NRIP1: variants seen among roughly 807,000 people sequenced by gnomAD.
The protein encoded by NRIP1 is nuclear receptor-interacting protein 1.
NRIP1 carries 28 observed loss-of-function variants against 75.0 expected under a neutral mutation model. The ratio of observed to expected loss-of-function variants is 0.37; its 90% CI spans 0.28 to 0.51. The LOEUF is 0.51. Among genes scored for constraint, NRIP1 ranks in the 20% least tolerant of loss-of-function variants. NRIP1 has a pLI of 0.92. For synonymous variants in NRIP1, 526 were observed against 487.6 expected (o/e 1.08, Z -1.04); for missense variants, 1,435 against 1,343.7 (o/e 1.07, Z -1.06).
chr21:15,007,456 A>AT (rs1296734243), intron 3 of NRIP1, among the ~76,000 whole-genome samples: 2 of 152,194 alleles, frequency 1.3e-5, no homozygotes, highest in Non-Finnish European at 2.9e-5. Context: ...AATAATTACT[A>AT]TATCTCAAGC....
chr21:15,031,840 T>C (rs1344335504), intron 2 of NRIP1, among the ~76,000 whole-genome samples: 12 of 106,802 alleles, frequency 1.1e-4, no homozygotes, highest in South Asian at 3.4e-4. Context: ...CTGGAAGGCG[T>C]TCAGAGGTTC....
intron 3 of NRIP1, among the ~76,000 whole-genome samples, chr21:14,976,210 T>C (rs1382827360): frequency 6.6e-6 from 1 of 152,150 alleles, no homozygotes; most frequent in African/African-American, 2.4e-5. Flanking sequence ...TTAAAGTTTA[T>C]AAAGTTAAGA....
intron 3 of NRIP1, among the ~76,000 whole-genome samples, chr21:15,002,993 A>G (rs1304756694): frequency 6.6e-6 from 1 of 152,126 alleles, no homozygotes; most frequent in Admixed American, 6.5e-5. Flanking sequence ...CACCTTTAAC[A>G]CTTCATAATT....
intron 1 of NRIP1, chr21:15,050,988 C>T (rs2089189097): frequency 2.3e-6 from 1 of 438,292 alleles, no homozygotes; most frequent in Non-Finnish European, 4.6e-6. Context: ...GTAGTAGTAG[C>T]AGTAGCATTT....
intron 2 of NRIP1, among the ~76,000 whole-genome samples, chr21:15,020,685 C>G (rs891221534): frequency 4.6e-5 from 7 of 151,918 alleles, no homozygotes; most frequent in African/African-American, 1.7e-4. Context: ...TATTAAAACC[C>G]TTTGAAGTCA....
intron 3 of NRIP1, among the ~76,000 whole-genome samples, chr21:15,008,673 G>C (rs2823006): frequency 0.3 from 45,311 of 152,010 alleles, 9,787 homozygotes; most frequent in African/African-American, 0.61. Flanking sequence ...ACAAAAGCAA[G>C]GTTAACATTA....
chr21:14,981,960 C>G (rs1474547), intron 3 of NRIP1, among the ~76,000 whole-genome samples: 28,320 of 151,416 alleles, frequency 0.19, 3,037 homozygotes, highest in East Asian at 0.45. Flanking sequence ...TCAAGCGATC[C>G]TCCTACCTCA....
At chr21:15,048,287 G>A (rs1348426219) in intron 1 of NRIP1, among the ~76,000 whole-genome samples, 1 of 152,164 alleles carries the variant, frequency 6.6e-6, no homozygotes, top group African/African-American at 2.4e-5. Flanking sequence ...ATGCAGGGCT[G>A]CCACAAACCT....
At chr21:15,014,709 T>C (rs1279120841) in intron 2 of NRIP1, among the ~76,000 whole-genome samples, 1 of 152,148 alleles carries the variant, frequency 6.6e-6, no homozygotes, top group East Asian at 1.9e-4. Flanking sequence ...GTGAAAAAGG[T>C]TTATAGTTGC....
chr21:14,975,009 G>A (rs1009326314), intron 3 of NRIP1, among the ~76,000 whole-genome samples: 5 of 152,132 alleles, frequency 3.3e-5, no homozygotes, highest in Non-Finnish European at 2.9e-5. Flanking sequence ...CTACTTGGGA[G>A]GCTGAGGTGG....
intron 2 of NRIP1, among the ~76,000 whole-genome samples, chr21:15,027,906 A>T (rs973732646): frequency 6.6e-6 from 1 of 152,182 alleles, no homozygotes; most frequent in Non-Finnish European, 1.5e-5. Flanking sequence ...TTGCACAATA[A>T]ATAACTCTTT....
chr21:15,062,544 T>C (rs896738118), intron 1 of NRIP1, among the ~76,000 whole-genome samples: 7 of 152,252 alleles, frequency 4.6e-5, no homozygotes, highest in African/African-American at 1.2e-4. Context: ...TTTTGGAGAA[T>C]AGCCCACTCA....
intron 3 of NRIP1, among the ~76,000 whole-genome samples, chr21:14,972,969 G>A (rs1428708542): frequency 6.6e-6 from 1 of 152,198 alleles, no homozygotes; most frequent in Admixed American, 6.5e-5. Context: ...CTGGGGGTTG[G>A]GAACCCCTGC....
chr21:15,031,223 A>G (rs1035861287), intron 2 of NRIP1, among the ~76,000 whole-genome samples: 403 of 128,236 alleles, frequency 3.1e-3, no homozygotes, highest in Non-Finnish European at 5.1e-3. Flanking sequence ...TTCTATGTGT[A>G]TACACTCTGG....
chr21:15,038,119 CT>C (rs1568999272), intron 2 of NRIP1, among the ~76,000 whole-genome samples: 1 of 152,010 alleles, frequency 6.6e-6, no homozygotes, highest in East Asian at 1.9e-4. Context: ...AACCAAGAAC[CT>C]GCCAACAGAC....
intron 3 of NRIP1, among the ~76,000 whole-genome samples, chr21:15,002,884 G>C (rs1031850534): frequency 3.9e-5 from 6 of 152,066 alleles, no homozygotes; most frequent in Non-Finnish European, 2.9e-5. Flanking sequence ...CCAGTAATAA[G>C]ACATACAAAA....
rs547937144 is a variant in NRIP1 at position 15,022,709 on chromosome 21, G to A, written c.-457-8243C>T. On this transcript the variant is annotated intron_variant, in intron 2 of 3. Transcript: ENST00000318948. ...TATCCACCTTCTTCATACACTACTG[G>A]TGGGAATGTAAAATGCAGTGTAGCC... 3.3e-5 allele frequency among the ~76,000 whole-genome samples: 5 copies of A among 152,300 alleles called. No individual in the cohort carries two copies. The East Asian group carries it at 9.7e-4, about 29-fold the overall frequency.
rs531793284 is a variant in NRIP1, at chr21:15,022,137, A to G, written c.-457-7671T>C. On this transcript the variant is annotated intron_variant, in intron 2 of 3. Transcript: ENST00000318948. ...TTCACAACAGCCACGACATGAAATC[A>G]ACCCAAATGCCCATCAGTGATAGAC... is the stretch of plus-strand genomic sequence containing the variant. Among the ~76,000 whole-genome samples, 3 of 152,366 alleles carry G rather than the reference A, an allele frequency of 2.0e-5. No individual in the cohort carries two copies. The South Asian group carries it at 6.2e-4, about 32-fold the overall frequency.
intron 1 of NRIP1, among the ~76,000 whole-genome samples, chr21:15,048,888 C>A (rs562123152): frequency 6.6e-6 from 1 of 152,258 alleles, no homozygotes; most frequent in South Asian, 2.1e-4. Context: ...CCTTTTCCAT[C>A]CTTCATTAGG....
Sources: gnomAD v4.1 joint callset for allele counts (sites outside exome capture counted in the v4.1 genomes callset) on GRCh38, gnomAD v4.1.1 for gene constraint, MANE v1.5 for transcripts, NCBI Gene and HGNC (gene_info 2026-07-23, HGNC 2026-07-21) for gene names.